RUSC1: variants seen among roughly 807,000 people sequenced by gnomAD.
RUSC1 encodes AP-4 complex accessory subunit RUSC1.
In RUSC1, 40 loss-of-function variants were observed where a neutral mutation model predicts 72.1. The ratio of observed to expected loss-of-function variants is 0.55; its 90% CI spans 0.43 to 0.72. The LOEUF is 0.72. Among genes scored for constraint, RUSC1 ranks in the 30% least tolerant of loss-of-function variants. RUSC1 has a pLI of 0.00. For synonymous variants in RUSC1, 512 were observed against 494.2 expected (o/e 1.04, Z -0.48); for missense variants, 1,092 against 1,172.3 (o/e 0.93, Z 1.00).
intron 1 of RUSC1, 121 bp from the exon 2 acceptor site, chr1:155,321,567 A>G (rs1284648084): frequency 3.9e-6 from 5 of 1,286,882 alleles, no homozygotes; most frequent in Non-Finnish European, 5.4e-6. Flanking sequence ...TTTGCATCTC[A>G]TTGAAATATC....
At chr1:155,321,090 G>T (rs183376293) in intron 1 of RUSC1, 99 bp downstream of exon 1, 4 of 1,400,240 alleles carry the variant, frequency 2.9e-6, no homozygotes, top group African/African-American at 2.9e-5. Context: ...AAAGGGTGCG[G>T]TGGTGGCTGA....
rs1650664376 is a variant in RUSC1 at position 155,322,371 on chromosome 1, G to A, written c.598G>A (p.Asp200Asn). The change falls in exon 2 of 10, where the codon GAC becomes AAC. Residue 200 changes from aspartate (D) to asparagine (N), a missense_variant. By Grantham distance (23) the Asp-to-Asn change is conservative. Transcript: ENST00000368352. ...DVPSPGLEEE[D>N]ERAEQDLPTS... ...CCCTTCCCCAGGCTTGGAGGAAGAG[G>A]ACGAGAGGGCGGAGCAGGATCTCCC... 1.2e-6 allele frequency: 2 copies of A among 1,614,098 alleles called. No individual in the cohort carries two copies. The highest frequency in any genetic ancestry group is 1.7e-6 in the Non-Finnish European group (2 of 1,179,912).
chr1:155,323,102 G>A lies in RUSC1; in HGVS notation c.1329G>A (p.Lys443=), dbSNP rs1277587980. The part of the protein sequence containing the change: ...PAAGEEAPAA[K]EPGAQAGLEV... ...CTGGCGAGGAGGCCCCAGCCGCGAA[G>A]GAGCCGGGCGCGCAGGCCGGCCTGG... The change falls in exon 2 of 10, where the codon AAG becomes AAA. Residue 443 remains lysine (K), a synonymous_variant. Transcript: ENST00000368352. The A allele has an allele frequency of 1.4e-6, 2 of 1,424,618 alleles. No homozygotes were observed. The highest frequency in any genetic ancestry group is 1.5e-5 in the African/African-American group (1 of 67,696). 88.2% of individuals were successfully genotyped at this position (1,424,618 alleles called of 1,614,324 possible).
chr1:155,323,390 T>C, intron 2 of RUSC1: 3 of 376,458 alleles, frequency 8.0e-6, no homozygotes, highest in Non-Finnish European at 9.4e-6. Context: ...GCCCCGCCAA[T>C]CCCGCCTGCA....
rs183353265 is a variant in RUSC1 at position 155,325,770 on chromosome 1, C to G, written c.1815-94C>G. 2.8e-4 allele frequency: 440 copies of G among 1,567,758 alleles called. 3 individuals are homozygous for G. The African/African-American group carries it at 4.7e-3, about 17-fold the overall frequency. ...TAGTGCCTCACATCCCCAGAGAAGG[C>G]CCCCCCTCTTCCAATCTCATCTCCC... On this transcript the variant is annotated intron_variant, in intron 6 of 9. Transcript: ENST00000368352. The surrounding 1 kb of genome is among the most constrained non-coding windows in gnomAD (Gnocchi z 6.5).
In RUSC1 at chr1:155,326,762, C is replaced by A. The variant is rs551303812; in HGVS notation, c.2044C>A (p.Pro682Thr). The A allele has an allele frequency of 1.5e-5, 25 of 1,613,162 alleles. No homozygotes were observed. Among genetic ancestry groups the A allele is most frequent in the Non-Finnish European group, 2.5e-6 (3 of 1,180,040 alleles). The change falls in exon 8 of 10, where the codon CCA (proline) becomes ACA (threonine). Residue 682 changes from proline (P) to threonine (T), a missense_variant. Pro to Thr is a conservative substitution (Grantham distance 38). Transcript: ENST00000368352. This position sits in a 1 kb window ranked among gnomAD's most constrained non-coding sequence, Gnocchi z 4.7. Reference protein sequence around the residue: ...PLGPPQAPAPPGPPPALQQTM... With the variant: ...PLGPPQAPAPTGPPPALQQTM... ...GGGCCCACCTCAGGCCCCTGCCCCT[C>A]CAGGCCCACCTCCAGCTCTGCAGCA...
rs542394224 is a variant in RUSC1 at position 155,321,082 on chromosome 1, A to C, written c.-87+91A>C. The C allele has an allele frequency of 5.0e-6, 7 of 1,403,986 alleles. No homozygotes were observed. In the South Asian group the frequency reaches 7.9e-5, roughly 16 times the overall value. 87.0% of individuals were successfully genotyped at this position (1,403,986 alleles called of 1,614,324 possible). A position where few individuals can be genotyped will look rare whatever the true frequency, so the allele number is the denominator to read the frequency against. ...GGGAGCAGGAGAAATGAATAGAGAAAGGGTGCGGTGGTGGCTGAACGATGG... is the reference window on the plus strand; with the variant it reads ...GGGAGCAGGAGAAATGAATAGAGAACGGGTGCGGTGGTGGCTGAACGATGG... On this transcript the variant is annotated intron_variant, in intron 1 of 9. Transcript: ENST00000368352.
chr1:155,320,919 C>A lies in RUSC1; in HGVS notation c.-159C>A. 6.3e-7 allele frequency: 1 copy of A among 1,585,170 alleles called. No individual in the cohort carries two copies. The highest frequency in any genetic ancestry group is 1.4e-5 in the African/African-American group (1 of 73,784). ...GTGCTAGTGCCCCTCCCCTCCCGCT[C>A]TGTGCCCCGCCGGGCGGGGACCGTG... On this transcript the variant is annotated 5_prime_UTR_variant, in exon 1 of 10. In the 5' UTR this introduces an upstream ATG that the reference lacks. Coordinates refer to ENST00000368352, the MANE Select transcript of RUSC1 (RefSeq NM_001105203.2).
rs1206752161 is a variant in RUSC1 at position 155,321,725 on chromosome 1, G to C, written c.-49G>C. The C allele has an allele frequency of 1.2e-6, 2 of 1,607,404 alleles. No individual in the cohort carries two copies. The highest frequency in any genetic ancestry group is 1.7e-5 in the Admixed American group (1 of 59,500). Reference sequence around the variant, plus strand: ...GGTTGCCAGGTAGGTGGATGTGAGAGACCCTACCCTTCTGGTTCTCTAGAA... The same window carrying C: ...GGTTGCCAGGTAGGTGGATGTGAGACACCCTACCCTTCTGGTTCTCTAGAA... On this transcript the variant is annotated 5_prime_UTR_variant, in exon 2 of 10. Transcript: ENST00000368352.
Position 155,330,475 on chromosome 1 carries a change from G to C in RUSC1, c.2613G>C (p.Leu871=), listed in dbSNP as rs1278816448. 1 of 1,613,922 alleles carries C rather than the reference G, an allele frequency of 6.2e-7. No homozygotes were observed. The highest frequency in any genetic ancestry group is 8.5e-7 in the Non-Finnish European group (1 of 1,180,010). ...DQLSFRRGEV[L]RVITTVDEDW... Reference sequence around the variant, plus strand: ...TGAGCTTCCGGCGTGGGGAAGTGCTGCGTGTCATCACCACAGTGGATGAGG... The same window carrying C: ...TGAGCTTCCGGCGTGGGGAAGTGCTCCGTGTCATCACCACAGTGGATGAGG... Residue 871 remains leucine (L), a synonymous_variant, in exon 10 of 10, where the codon CTG becomes CTC. Transcript: ENST00000368352.
At chr1:155,329,014 T>C (rs1034021463) in intron 9 of RUSC1, among the ~76,000 whole-genome samples, 2 of 152,068 alleles carry the variant, frequency 1.3e-5, no homozygotes, top group Non-Finnish European at 2.9e-5. Flanking sequence ...ATTACAGGCA[T>C]AGCTACTGCA....
chr1:155,325,018 C>G lies in RUSC1; in HGVS notation c.1456+75C>G. On this transcript the variant is annotated intron_variant, in intron 3 of 9. Coordinates refer to ENST00000368352, the MANE Select transcript of RUSC1 (RefSeq NM_001105203.2). This position sits in a 1 kb window ranked among gnomAD's most constrained non-coding sequence, Gnocchi z 6.5. Reference sequence around the variant, plus strand: ...GCCCCCGGCCCTGCTCTCAGGCTGTCCGAAGGCAGTCTCTCCACGCCCCTC... The same window carrying G: ...GCCCCCGGCCCTGCTCTCAGGCTGTGCGAAGGCAGTCTCTCCACGCCCCTC... 6.2e-7 allele frequency: 1 copy of G among 1,613,764 alleles called. No individual in the cohort carries two copies. The highest frequency in any genetic ancestry group is 8.5e-7 in the Non-Finnish European group (1 of 1,179,684).
intron 1 of RUSC1, chr1:155,321,311 C>T (rs972124414): frequency 2.9e-6 from 4 of 1,371,728 alleles, no homozygotes; most frequent in Non-Finnish European, 3.9e-6. Flanking sequence ...CCTTTCAGGG[C>T]ATCTGGGTGG....
At position 155,324,487 on chromosome 1, in the gene RUSC1, C is replaced by T. The variant is rs1323676439; in HGVS notation, c.1358-358C>T. The T allele has an allele frequency of 3.7e-6, 6 of 1,606,808 alleles. No homozygotes were observed. The East Asian group carries it at 6.7e-5, about 18-fold the overall frequency. On this transcript the variant is annotated intron_variant, in intron 2 of 9. Coordinates refer to ENST00000368352, the MANE Select transcript of RUSC1 (RefSeq NM_001105203.2). ...CCCGGGGCGGTGCGCTGGGCTACACCTCCCTCCCCGCGCCCCGTCCTCTCC... is the reference window on the plus strand; with the variant it reads ...CCCGGGGCGGTGCGCTGGGCTACACTTCCCTCCCCGCGCCCCGTCCTCTCC...
Position 155,321,977 on chromosome 1 carries a change from T to G in RUSC1, c.204T>G (p.Ala68=). The G allele has an allele frequency of 6.2e-7, 1 of 1,600,450 alleles. No homozygotes were observed. The highest frequency in any genetic ancestry group is 8.5e-7 in the Non-Finnish European group (1 of 1,172,574). Residue 68 remains alanine (A), a synonymous_variant, in exon 2 of 10, where the codon GCT becomes GCG. Coordinates refer to ENST00000368352, the MANE Select transcript of RUSC1 (RefSeq NM_001105203.2). Reference sequence around the variant, plus strand: ...TGGACGCCAATTCCAACAGCCCAGCTGTGCCCTGCCGGTGCTGCCAGGAGC... The same window carrying G: ...TGGACGCCAATTCCAACAGCCCAGCGGTGCCCTGCCGGTGCTGCCAGGAGC... ...TLVDANSNSP[A]VPCRCCQEHG... is the part of the protein sequence containing the mutation.
In RUSC1 at chr1:155,322,788, C is replaced by A. The variant is rs377441046; in HGVS notation, c.1015C>A (p.Arg339Ser). ...LPLVPQAKKD[R>S]SDWLIVFSPD... ...CCTTGTCCCGCAGGCGAAGAAAGAT[C>A]GCAGTGACTGGCTCATAGTCTTCTC... Residue 339 changes from arginine (R) to serine (S), a missense_variant, in exon 2 of 10, where the codon CGC becomes AGC. Arg to Ser is a moderately radical substitution (Grantham distance 110). Transcript: ENST00000368352. The A allele has an allele frequency of 1.9e-6, 3 of 1,613,786 alleles. No homozygotes were observed. The highest frequency in any genetic ancestry group is 2.2e-5 in the East Asian group (1 of 44,876).
chr1:155,325,202 G>C lies in RUSC1; in HGVS notation c.1533+24G>C, dbSNP rs753270045. ...AGGTGAAGGTGGCTGGGGGGAGGCT[G>C]TTGGGATGAGGAGAGTAATGGAGCT... On this transcript the variant is annotated intron_variant, in intron 4 of 9. Transcript: ENST00000368352. The surrounding 1 kb of genome is among the most constrained non-coding windows in gnomAD (Gnocchi z 6.5). 1.9e-6 allele frequency: 3 copies of C among 1,614,144 alleles called. No homozygotes were observed. Among genetic ancestry groups the C allele is most frequent in the Non-Finnish European group, 2.5e-6 (3 of 1,180,026 alleles).
chr1:155,324,481 C>A (rs748181037), intron 2 of RUSC1: 38 of 1,608,874 alleles, frequency 2.4e-5, no homozygotes, highest in Middle Eastern at 1.6e-4. Flanking sequence ...GTGCGCTGGG[C>A]TACACCTCCC....
rs762035127 is a variant in RUSC1, at chr1:155,324,904, G to T, written c.1417G>T (p.Ala473Ser). Residue 473 changes from alanine (A) to serine (S), a missense_variant, in exon 3 of 10, where the codon GCC becomes TCC. Ala to Ser is a moderately conservative substitution (Grantham distance 99). Transcript: ENST00000368352. ...PGAQRLWMAEAQSGTGQLQEQ... is the reference protein window; with the variant it reads ...PGAQRLWMAESQSGTGQLQEQ... Reference sequence around the variant, plus strand: ...AGCCCAGCGGCTGTGGATGGCAGAAGCCCAGAGTGGGACTGGTCAGCTGCA... The same window carrying T: ...AGCCCAGCGGCTGTGGATGGCAGAATCCCAGAGTGGGACTGGTCAGCTGCA... 1 of 1,614,238 alleles carries T rather than the reference G, an allele frequency of 6.2e-7. No individual in the cohort carries two copies. Among genetic ancestry groups the T allele is most frequent in the South Asian group, 1.1e-5 (1 of 91,088 alleles).
Sources: gnomAD v4.1 joint callset for allele counts (sites outside exome capture counted in the v4.1 genomes callset) on GRCh38, gnomAD v4.1.1 for gene constraint, Gnocchi (gnomAD v3.1) non-coding constraint, MANE v1.5 for transcripts, NCBI Gene and HGNC (gene_info 2026-07-23, HGNC 2026-07-21) for gene names.